Variants in GPC4 observed in about 807,000 individuals in gnomAD.
GPC4 encodes the protein glypican-4.
In GPC4, 10 loss-of-function variants were observed where a neutral mutation model predicts 35.0. The ratio of observed to expected loss-of-function variants is 0.29; its 90% CI spans 0.18 to 0.48. The LOEUF (loss-of-function observed/expected upper bound fraction) is 0.48. Among genes scored for constraint, GPC4 ranks in the 20% least tolerant of loss-of-function variants. The probability of loss-of-function intolerance (pLI) is 0.99; values close to 1 mark genes in which losing one functional copy is unlikely to be tolerated. For missense variants in GPC4, 322 were observed against 451.3 expected (o/e 0.71, Z 2.60); for synonymous variants, 167 against 170.2 (o/e 0.98, Z 0.15).
At chrX:133,370,704 T>G (rs1160946303) in intron 1 of GPC4, among the ~76,000 whole-genome samples, 2 of 111,108 alleles carry the variant, frequency 1.8e-5, no homozygotes, top group African/African-American at 6.5e-5. Context: ...ACTTACAGAT[T>G]TAACTAATTT....
chrX:133,359,427 A>G (rs764413564), intron 1 of GPC4, among the ~76,000 whole-genome samples: 1 of 111,414 alleles, frequency 9.0e-6, no homozygotes, highest in East Asian at 2.8e-4. Flanking sequence ...AGTGGTGATT[A>G]AAGAAAAAAA....
rs770348911 is a variant in GPC4, at chrX:133,407,470, T to C, written c.160+7336A>G. On this transcript the variant is annotated intron_variant, in intron 1 of 8. Coordinates refer to ENST00000370828, the MANE Select transcript of GPC4 (RefSeq NM_001448.3). ...TTCTTTGCCTTAGAATCCCATTGCA[T>C]AATTTTTAAAAACCTAAATGATGTA... 8.9e-5 allele frequency among the ~76,000 whole-genome samples: 10 copies of C among 112,090 alleles called. No individual in the cohort carries two copies. The South Asian group carries it at 3.8e-3, about 43-fold the overall frequency.
chrX:133,343,755 C>T (rs995455024), intron 1 of GPC4, among the ~76,000 whole-genome samples: 1 of 111,579 alleles, frequency 9.0e-6, no homozygotes, highest in African/African-American at 3.3e-5. Flanking sequence ...TTCAATCACA[C>T]CAGCTCTATG....
chrX:133,404,132 C>A (rs1296371382), intron 1 of GPC4, among the ~76,000 whole-genome samples: 1 of 111,863 alleles, frequency 8.9e-6, no homozygotes, highest in Admixed American at 9.5e-5. Context: ...ATGTGTCACC[C>A]TTAACGAGGA....
intron 3 of GPC4, among the ~76,000 whole-genome samples, chrX:133,316,267 C>G (rs776197399): frequency 8.9e-6 from 1 of 111,923 alleles, no homozygotes; most frequent in Non-Finnish European, 1.9e-5. Flanking sequence ...AGTATTATCT[C>G]ATTTCACAGA....
At chrX:133,347,248 GTT>G (rs763800349) in intron 1 of GPC4, among the ~76,000 whole-genome samples, 8 of 25,409 alleles carry the variant, frequency 3.1e-4, no homozygotes, top group Admixed American at 9.2e-4. Flanking sequence ...TCTATTAGAA[GTT>G]TTTTTTTTTT....
At position 133,339,175 on chromosome X, in the gene GPC4, T is replaced by C; in HGVS notation, c.319+8A>G. On this transcript the variant is annotated splice_region_variant and intron_variant, in intron 2 of 8. Coordinates refer to ENST00000370828, the MANE Select transcript of GPC4 (RefSeq NM_001448.3). ...TGCCGGTTCTTACATATGACTTGAA[T>C]AACATACCATCAAACTTCTTGTAAC... The C allele has an allele frequency of 8.3e-7, 1 of 1,210,624 alleles. No individual in the cohort carries two copies. Among genetic ancestry groups the C allele is most frequent in the Non-Finnish European group, 1.1e-6 (1 of 894,830 alleles).
chrX:133,402,921 A>T (rs1359313061), intron 1 of GPC4, among the ~76,000 whole-genome samples: 1 of 108,473 alleles, frequency 9.2e-6, no homozygotes, highest in Non-Finnish European at 1.9e-5. Context: ...AAAAAAAAAA[A>T]AAAAAAGAAA....
intron 1 of GPC4, among the ~76,000 whole-genome samples, chrX:133,365,346 A>G (rs898855105): frequency 9.0e-6 from 1 of 111,676 alleles, no homozygotes; most frequent in African/African-American, 3.3e-5. Flanking sequence ...TAGTCACTCA[A>G]CCAACATTTA....
chrX:133,360,952 GAATA>G (rs1345760054), intron 1 of GPC4, among the ~76,000 whole-genome samples: 10 of 111,544 alleles, frequency 9.0e-5, no homozygotes, highest in African/African-American at 3.3e-4. Context: ...TAAGTTAGGA[GAATA>G]AATACTTTAG....
At chrX:133,386,568 G>A (rs898121075) in intron 1 of GPC4, among the ~76,000 whole-genome samples, 1 of 111,275 alleles carries the variant, frequency 9.0e-6, no homozygotes, top group Admixed American at 9.6e-5. Flanking sequence ...GCATATTCTC[G>A]GAGACTAAAG....
intron 1 of GPC4, among the ~76,000 whole-genome samples, chrX:133,402,736 C>G (rs2068771390): frequency 9.1e-6 from 1 of 110,307 alleles, no homozygotes; most frequent in Non-Finnish European, 1.9e-5. Flanking sequence ...AAACCCGTCT[C>G]TACTAAAAAT....
intron 2 of GPC4, among the ~76,000 whole-genome samples, chrX:133,336,599 G>A (rs186076513): frequency 1.8e-5 from 2 of 110,545 alleles, no homozygotes; most frequent in African/African-American, 3.3e-5. Context: ...GATTTGGTGG[G>A]TACCAGTCAA....
Position 133,368,185 on chromosome X carries a change from G to A in GPC4, c.161-28844C>T, listed in dbSNP as rs189841234. Among the ~76,000 whole-genome samples the A allele has an allele frequency of 6.2e-5, 7 of 112,291 alleles. No homozygotes were observed. The East Asian group carries it at 1.7e-3, about 27-fold the overall frequency. On this transcript the variant is annotated intron_variant, in intron 1 of 8. Coordinates refer to ENST00000370828, the MANE Select transcript of GPC4 (RefSeq NM_001448.3). ...TTTTGAATAAAATGACAAAAAACAT[G>A]GCATACCTGTTAAACACCATGTTAC...
intron 1 of GPC4, among the ~76,000 whole-genome samples, chrX:133,376,521 T>G (rs2068634115): frequency 1.8e-5 from 2 of 112,590 alleles, no homozygotes; most frequent in Non-Finnish European, 3.8e-5. Context: ...ATATAAGACA[T>G]TCATGTTGAG....
At chrX:133,336,764 G>GT (rs2068445924) in intron 2 of GPC4, among the ~76,000 whole-genome samples, 1 of 110,194 alleles carries the variant, frequency 9.1e-6, no homozygotes, top group African/African-American at 3.3e-5. Context: ...AAAAAACCTT[G>GT]TATCTATGTT....
rs747976050 is a variant in GPC4, at chrX:133,344,191, G to GTTTTTTTTTTTTTTTTT, written c.161-4867_161-4851dup. ...TCTTTATTTTCTTTCTTTCTTTCTG[G>GTTTTTTTTTTTTTTTTT]TTTTTTTTTTTTTTTTTTTTTTTTT... On this transcript the variant is annotated intron_variant, in intron 1 of 8. Coordinates refer to ENST00000370828, the MANE Select transcript of GPC4 (RefSeq NM_001448.3). Among the ~76,000 whole-genome samples, 3 of 38,889 alleles carry GTTTTTTTTTTTTTTTTT rather than the reference G, an allele frequency of 7.7e-5. 1 individual carries two copies. The highest frequency in any genetic ancestry group is 1.6e-4 in the Non-Finnish European group (3 of 19,224). The allele number at this position is 38,889 out of a possible 115,157, so 33.8% of individuals were successfully genotyped here. A position where few individuals can be genotyped will look rare whatever the true frequency, so the allele number is the denominator to read the frequency against.
chrX:133,380,298 C>T (rs2068654824), intron 1 of GPC4, among the ~76,000 whole-genome samples: 1 of 110,245 alleles, frequency 9.1e-6, no homozygotes, highest in Non-Finnish European at 1.9e-5. Context: ...GATCGCATCA[C>T]TGCACTCCAG....
chrX:133,382,424 CAAAAA>C (rs1284709655), intron 1 of GPC4, among the ~76,000 whole-genome samples: 2 of 15,642 alleles, frequency 1.3e-4, no homozygotes, highest in South Asian at 4.0e-3. Flanking sequence ...GACTCCGTCT[CAAAAA>C]AAAAAAAAAA....
Sources: gnomAD v4.1 joint callset for allele counts (sites outside exome capture counted in the v4.1 genomes callset) on GRCh38, gnomAD v4.1.1 for gene constraint, MANE v1.5 for transcripts, NCBI Gene and HGNC (gene_info 2026-07-23, HGNC 2026-07-21) for gene names.